The following BCAR3 variants were observed in gnomAD, a reference collection of about 807,000 sequenced individuals.
The protein encoded by BCAR3 is BCAR3 adaptor protein, NSP family member, also known as breast cancer anti-estrogen resistance protein 3.
A neutral mutation model predicts 80.1 loss-of-function variants in BCAR3; 37 were observed. That is an observed-to-expected ratio of 0.46 (90% CI 0.36 to 0.61). The LOEUF is 0.61. Ranked by LOEUF, BCAR3 falls within the 20% of genes least tolerant of loss-of-function variation. The pLI, the probability that BCAR3 is intolerant of heterozygous loss-of-function variation, is 0.00. For missense variants in BCAR3, 978 were observed against 1,068.2 expected (o/e 0.92, Z 1.18); for synonymous variants, 389 against 418.9 (o/e 0.93, Z 0.87).
chr1:93,717,974 G>T (rs1650248338), intron 2 of BCAR3, among the ~76,000 whole-genome samples: 1 of 152,174 alleles, frequency 6.6e-6, no homozygotes, highest in Non-Finnish European at 1.5e-5. Flanking sequence ...TTCATTTGCA[G>T]ATTACTCTAA....
At chr1:93,577,210 T>C (rs747527268) in intron 7 of BCAR3, among the ~76,000 whole-genome samples, 20 of 152,168 alleles carry the variant, frequency 1.3e-4, no homozygotes, top group Non-Finnish European at 2.8e-4. Flanking sequence ...AATGATGTAC[T>C]AAGAGTGGAA....
intron 1 of BCAR3, chr1:93,846,909 A>T (rs1200932385): frequency 2.7e-6 from 1 of 364,348 alleles, no homozygotes; most frequent in Non-Finnish European, 5.4e-6. Flanking sequence ...AGCGAAATGC[A>T]ACCCAAACCC....
In BCAR3 at chr1:93,562,241, T is replaced by C. The variant is rs1672705637; in HGVS notation, c.2478A>G (p.Ter826TrpextTer1). ...ATTCTAAAGGTTCTCTGGAGAGTTA[T>C]CAAAGCTCTGCCTGCTTTACAGGAG... ...EPPPVKQAEL[*>W] The change falls in exon 12 of 12, where the codon TGA (stop) becomes TGG (tryptophan). Residue 826 changes from the stop codon to tryptophan (W), a stop_lost. Transcript: ENST00000260502. The C allele has an allele frequency of 6.2e-7, 1 of 1,613,038 alleles. No individual in the cohort carries two copies. Among genetic ancestry groups the C allele is most frequent in the South Asian group, 1.1e-5 (1 of 90,838 alleles).
intron 3 of BCAR3, among the ~76,000 whole-genome samples, chr1:93,632,967 C>A (rs1675673571): frequency 6.6e-6 from 1 of 151,646 alleles, no homozygotes; most frequent in African/African-American, 2.4e-5. Context: ...TGCAGTGAGC[C>A]GAGATTGCAT....
At chr1:93,580,513 G>GAA (rs60517686) in intron 7 of BCAR3, among the ~76,000 whole-genome samples, 189 of 123,244 alleles carry the variant, frequency 1.5e-3, no homozygotes, top group African/African-American at 4.9e-3. Flanking sequence ...AAATATTCAG[G>GAA]AAAAAAAAAA....
chr1:93,562,759 ACT>A (rs1210085721), intron 11 of BCAR3, among the ~76,000 whole-genome samples: 5 of 116,906 alleles, frequency 4.3e-5, no homozygotes, highest in African/African-American at 1.7e-4. Context: ...GACAAGCGAG[ACT>A]CCATCTCAAA....
intron 2 of BCAR3, among the ~76,000 whole-genome samples, chr1:93,790,313 C>T (rs934476773): frequency 8.5e-5 from 13 of 152,062 alleles, no homozygotes; most frequent in African/African-American, 2.4e-4. Flanking sequence ...ATAATCATCC[C>T]TCTCCCTTTG....
At chr1:93,719,450 C>T (rs905501430) in intron 2 of BCAR3, among the ~76,000 whole-genome samples, 10 of 143,692 alleles carry the variant, frequency 7.0e-5, no homozygotes, top group Admixed American at 7.4e-5. Flanking sequence ...ACATCATTCT[C>T]CTGCCTCAGC....
At chr1:93,584,209 C>CAAAAAA in intron 5 of BCAR3, 88 bp from the exon 6 acceptor site, 3 of 1,194,778 alleles carry the variant, frequency 2.5e-6, no homozygotes, top group Non-Finnish European at 3.5e-6. Context: ...TAAACAAAAA[C>CAAAAAA]AAAAAAAAAG....
chr1:93,773,790 T>G (rs1652441624), intron 2 of BCAR3, among the ~76,000 whole-genome samples: 1 of 152,190 alleles, frequency 6.6e-6, no homozygotes, highest in Admixed American at 6.5e-5. Context: ...TCTTATGTTT[T>G]CTTTATATTA....
intron 3 of BCAR3, among the ~76,000 whole-genome samples, chr1:93,602,683 T>C (rs1469147105): frequency 6.6e-6 from 1 of 152,204 alleles, no homozygotes; most frequent in Non-Finnish European, 1.5e-5. Context: ...TAAAGGACTT[T>C]TAAAGACCCA....
At chr1:93,648,657 C>T (rs571185558) in intron 2 of BCAR3, 1 of 152,298 alleles carries the variant, frequency 6.6e-6, no homozygotes, top group Admixed American at 6.5e-5. Context: ...TTAAACCTTC[C>T]TAATTCATAA....
chr1:93,681,807 C>G lies in BCAR3; in HGVS notation c.-221G>C, dbSNP rs1481120416. On this transcript the variant is annotated 5_prime_UTR_variant, in exon 1 of 12. Coordinates refer to ENST00000260502, the MANE Select transcript of BCAR3 (RefSeq NM_003567.4). ...GCTCCGGCTCCGGTCCCGGCCCCGT[C>G]CCCCGCCCGGCCAGCAGCAGGCGCA... 2 of 152,112 alleles carry G rather than the reference C, an allele frequency of 1.3e-5. No individual in the cohort carries two copies. The highest frequency in any genetic ancestry group is 1.3e-4 in the Admixed American group (2 of 15,270). The allele number at this position is 152,112 out of a possible 1,614,324, so 9.4% of individuals were successfully genotyped here.
chr1:93,624,291 C>T (rs1354586108), intron 3 of BCAR3, among the ~76,000 whole-genome samples: 1 of 152,214 alleles, frequency 6.6e-6, no homozygotes, highest in African/African-American at 2.4e-5. Flanking sequence ...CTTATTGAGG[C>T]CAGGTGAGCT....
intron 3 of BCAR3, among the ~76,000 whole-genome samples, chr1:93,598,722 C>T (rs1355967335): frequency 6.6e-6 from 1 of 152,186 alleles, no homozygotes; most frequent in South Asian, 2.1e-4. Context: ...ACCTCTTTGT[C>T]CTTTGGTTTT....
chr1:93,629,012 G>A (rs911286327), intron 3 of BCAR3, among the ~76,000 whole-genome samples: 1 of 152,170 alleles, frequency 6.6e-6, no homozygotes, highest in Non-Finnish European at 1.5e-5. Context: ...GTACCCATTC[G>A]AAAGAAGGAG....
intron 2 of BCAR3, among the ~76,000 whole-genome samples, chr1:93,664,387 G>A (rs1270982021): frequency 6.6e-6 from 1 of 152,162 alleles, no homozygotes; most frequent in African/African-American, 2.4e-5. Context: ...CCAAAGTGCT[G>A]GGATTACAGG....
In BCAR3 at chr1:93,613,875, T is replaced by C. The variant is rs527237451; in HGVS notation, c.358-21482A>G. 1.7e-4 allele frequency: 264 copies of C among 1,550,576 alleles called. No individual in the cohort carries two copies. In the African/African-American group the frequency reaches 1.8e-3, roughly 11 times the overall value. On this transcript the variant is annotated intron_variant, in intron 3 of 11. Coordinates refer to ENST00000260502, the MANE Select transcript of BCAR3 (RefSeq NM_003567.4). ...GACTCCAATGAAAGACTTGCGGTGATAGAAGCAGCACAGAGCTGCTGAGAG... is the reference window on the plus strand; with the variant it reads ...GACTCCAATGAAAGACTTGCGGTGACAGAAGCAGCACAGAGCTGCTGAGAG...
chr1:93,819,169 C>G (rs1654118637), intron 2 of BCAR3, among the ~76,000 whole-genome samples: 1 of 151,972 alleles, frequency 6.6e-6, no homozygotes, highest in Non-Finnish European at 1.5e-5. Context: ...CCGGTTCAAG[C>G]CATTCTCCCG....
Sources: gnomAD v4.1 joint callset for allele counts (sites outside exome capture counted in the v4.1 genomes callset) on GRCh38, gnomAD v4.1.1 for gene constraint, MANE v1.5 for transcripts, NCBI Gene and HGNC (gene_info 2026-07-23, HGNC 2026-07-21) for gene names.